PBX1: variants seen among roughly 807,000 people sequenced by gnomAD.
PBX1 encodes the protein pre-B-cell leukemia transcription factor 1.
PBX1 carries 6 observed loss-of-function variants against 53.4 expected under a neutral mutation model. The ratio of observed to expected loss-of-function variants is 0.11; its 90% CI spans 0.06 to 0.22. The LOEUF (loss-of-function observed/expected upper bound fraction) is 0.22. Among genes scored for constraint, PBX1 ranks in the 10% least tolerant of loss-of-function variants. PBX1 has a pLI of 1.00. For missense variants in PBX1, 251 were observed against 551.4 expected, an observed-to-expected ratio of 0.46 and a Z score of 5.46; for synonymous variants, 204 against 212.3, an observed-to-expected ratio of 0.96 and a Z score of 0.34.
At chr1:164,700,431 C>G (rs1164774313) in intron 2 of PBX1, 2 of 984,362 alleles carry the variant, frequency 2.0e-6, no homozygotes, top group Non-Finnish European at 2.4e-6. Context: ...AAGAGAAGTG[C>G]TTTGGTTACG....
At chr1:164,706,612 A>G (rs1663439708) in intron 2 of PBX1, among the ~76,000 whole-genome samples, 1 of 152,172 alleles carries the variant, frequency 6.6e-6, no homozygotes, top group African/African-American at 2.4e-5. Context: ...TTTTTTGAAC[A>G]TATGACAATA....
At position 164,848,239 on chromosome 1, in the gene PBX1, T is replaced by G; in HGVS notation, c.*1563T>G. On this transcript the variant is annotated 3_prime_UTR_variant, in exon 9 of 9. Coordinates refer to ENST00000420696, the MANE Select transcript of PBX1 (RefSeq NM_002585.4). ...AATAGCATGTATATGAAAGCTATTCTCAAAAGTCACCTGAGCTCACCATCT... is the reference window on the plus strand; with the variant it reads ...AATAGCATGTATATGAAAGCTATTCGCAAAAGTCACCTGAGCTCACCATCT... The G allele has an allele frequency of 9.5e-7, 1 of 1,053,654 alleles. No homozygotes were observed. Among genetic ancestry groups the G allele is most frequent in the Non-Finnish European group, 1.1e-6 (1 of 872,090 alleles). The allele number at this position is 1,053,654 out of a possible 1,614,324, so 65.3% of individuals were successfully genotyped here. A position where few individuals can be genotyped will look rare whatever the true frequency, so the allele number is the denominator to read the frequency against.
chr1:164,678,173 A>C (rs572039112), intron 2 of PBX1, among the ~76,000 whole-genome samples: 1 of 152,176 alleles, frequency 6.6e-6, no homozygotes, highest in Non-Finnish European at 1.5e-5. Context: ...GCATGTATCC[A>C]TATGTTTATA....
chr1:164,664,383 G>C (rs924236827), intron 2 of PBX1, among the ~76,000 whole-genome samples: 2 of 152,106 alleles, frequency 1.3e-5, no homozygotes, highest in Non-Finnish European at 2.9e-5. Flanking sequence ...TACCAAAACT[G>C]TCACCACAAT....
intron 2 of PBX1, among the ~76,000 whole-genome samples, chr1:164,677,305 G>A (rs184057859): frequency 2.5e-4 from 37 of 150,666 alleles, no homozygotes; most frequent in Admixed American, 1.7e-3. Context: ...TGTTAGCCAG[G>A]ATGGTCTCGA....
At chr1:164,707,495 C>T (rs995282126) in intron 2 of PBX1, among the ~76,000 whole-genome samples, 5 of 149,912 alleles carry the variant, frequency 3.3e-5, no homozygotes, top group African/African-American at 9.9e-5. Context: ...CATACAAGGC[C>T]CTGGTGCTAA....
chr1:164,594,463 A>C (rs766810131), intron 2 of PBX1, among the ~76,000 whole-genome samples: 2 of 152,046 alleles, frequency 1.3e-5, no homozygotes, highest in African/African-American at 2.4e-5. Context: ...TTGTATTTTT[A>C]GTGGAGACGG....
chr1:164,848,197 C>G lies in PBX1; in HGVS notation c.*1521C>G. On this transcript the variant is annotated 3_prime_UTR_variant, in exon 9 of 9. Transcript: ENST00000420696. ...TTATTCCCTGGGAACACAGCGTGTA[C>G]TAAAAATACATGAGAAAATAGCATG... The G allele has an allele frequency of 9.5e-7, 1 of 1,050,148 alleles. No homozygotes were observed. Among genetic ancestry groups the G allele is most frequent in the East Asian group, 5.5e-5 (1 of 18,340 alleles). The allele number at this position is 1,050,148 out of a possible 1,614,324, so 65.1% of individuals were successfully genotyped here. A position where few individuals can be genotyped will look rare whatever the true frequency, so the allele number is the denominator to read the frequency against.
intron 2 of PBX1, among the ~76,000 whole-genome samples, chr1:164,687,583 AG>A (rs1466813503): frequency 2.1e-5 from 3 of 142,720 alleles, no homozygotes; most frequent in Non-Finnish European, 3.1e-5. Flanking sequence ...AAAAAAAAAA[AG>A]GAAATAGTTT....
At chr1:164,745,375 T>C (rs763714441) in intron 2 of PBX1, among the ~76,000 whole-genome samples, 2 of 152,234 alleles carry the variant, frequency 1.3e-5, no homozygotes, top group South Asian at 2.1e-4. Context: ...ATAACTGTTA[T>C]AGATAATAAC....
At chr1:164,837,223 T>C (rs1305702210) in intron 8 of PBX1, among the ~76,000 whole-genome samples, 1 of 152,194 alleles carries the variant, frequency 6.6e-6, no homozygotes, top group Non-Finnish European at 1.5e-5. Context: ...GTACCCTTAG[T>C]AAATAATAGC....
intron 2 of PBX1, among the ~76,000 whole-genome samples, chr1:164,663,414 C>T (rs1045517329): frequency 2.0e-5 from 3 of 152,124 alleles, no homozygotes; most frequent in African/African-American, 7.2e-5. Context: ...GATTGCTTCT[C>T]CCTATGGTAC....
chr1:164,859,402 T>C (rs2102440492), intron 2 of PBX1, among the ~76,000 whole-genome samples: 1 of 152,288 alleles, frequency 6.6e-6, no homozygotes, highest in Admixed American at 6.5e-5. Flanking sequence ...ATCAATCATA[T>C]TAACCATTTA....
chr1:164,764,195 A>G (rs1054529612), intron 2 of PBX1, among the ~76,000 whole-genome samples: 5 of 152,198 alleles, frequency 3.3e-5, no homozygotes, highest in African/African-American at 7.2e-5. Flanking sequence ...TTTGTCTTCT[A>G]TATCAGTTGC....
At chr1:164,614,794 T>C (rs919529233) in intron 2 of PBX1, among the ~76,000 whole-genome samples, 2 of 152,222 alleles carry the variant, frequency 1.3e-5, no homozygotes, top group Non-Finnish European at 2.9e-5. Flanking sequence ...TTTTTTTGAG[T>C]TGGGAGTCTC....
intron 7 of PBX1, 22 bp from the exon 8 acceptor site, chr1:164,821,515 C>A (rs1670152964): frequency 6.3e-7 from 1 of 1,592,348 alleles, no homozygotes; most frequent in African/African-American, 1.3e-5. Flanking sequence ...AATTTTCTCT[C>A]TGTTATTGTT....
At chr1:164,595,939 A>G (rs1655726259) in intron 2 of PBX1, among the ~76,000 whole-genome samples, 2 of 152,196 alleles carry the variant, frequency 1.3e-5, no homozygotes, top group African/African-American at 4.8e-5. Flanking sequence ...GGAGTTCAAT[A>G]TGGTACTCTG....
At chr1:164,788,386 G>GTTT (rs59857388) in intron 2 of PBX1, among the ~76,000 whole-genome samples, 1 of 140,248 alleles carries the variant, frequency 7.1e-6, no homozygotes, top group Non-Finnish European at 1.6e-5. Context: ...TAATGTTGGT[G>GTTT]TTTTTTTTTT....
rs1671653311 is a variant in PBX1 at position 164,847,998 on chromosome 1, A to G, written c.*1322A>G. ...TTTTGTTTTATATTAGGCACACTGT[A>G]TTAATTTTCCAAAATGTTATACCAC... is the stretch of plus-strand genomic sequence containing the variant. On this transcript the variant is annotated 3_prime_UTR_variant, in exon 9 of 9. Transcript: ENST00000420696. 1.9e-6 allele frequency: 2 copies of G among 1,050,070 alleles called. No individual in the cohort carries two copies. Among genetic ancestry groups the G allele is most frequent in the Admixed American group, 5.5e-5 (1 of 18,174 alleles). The allele number at this position is 1,050,070 out of a possible 1,614,324, so 65.0% of individuals were successfully genotyped here.
Sources: allele counts gnomAD v4.1 joint callset (sites outside exome capture counted in the v4.1 genomes callset), GRCh38; gene constraint gnomAD v4.1.1; transcripts MANE v1.5; gene names NCBI Gene and HGNC (gene_info 2026-07-23, HGNC 2026-07-21).